Variants in MTDH observed in about 807,000 individuals in gnomAD.
MTDH encodes metadherin.
MTDH carries 34 observed loss-of-function variants against 72.7 expected under a neutral mutation model. The observed-to-expected ratio is 0.47, with a 90% confidence interval of 0.36 to 0.62. The LOEUF (loss-of-function observed/expected upper bound fraction) is 0.62, where lower values mean the gene tolerates loss of function less well. Among genes scored for constraint, MTDH ranks in the 20% least tolerant of loss-of-function variants. The pLI is 0.00. For missense variants in MTDH, 677 were observed against 699.4 expected, an observed-to-expected ratio of 0.97 and a Z score of 0.36; for synonymous variants, 266 against 268.9, an observed-to-expected ratio of 0.99 and a Z score of 0.10.
intron 2 of MTDH, among the ~76,000 whole-genome samples, chr8:97,669,933 A>AC (rs1289429739): frequency 6.6e-6 from 1 of 151,660 alleles, no homozygotes; most frequent in Non-Finnish European, 1.5e-5. Context: ...AAAAAAAAAA[A>AC]AAAAACTACT....
intron 7 of MTDH, among the ~76,000 whole-genome samples, chr8:97,705,113 A>G (rs1187952879): frequency 1.3e-5 from 2 of 152,254 alleles, no homozygotes; most frequent in East Asian, 1.9e-4. Context: ...CCTGACCAAC[A>G]TGGTGAAACC....
In MTDH at chr8:97,644,333, C is replaced by A. The variant is rs1440922228; in HGVS notation, c.-174C>A. 9 of 817,792 alleles carry A rather than the reference C, an allele frequency of 1.1e-5. No individual in the cohort carries two copies. The highest frequency in any genetic ancestry group is 1.6e-5 in the Non-Finnish European group (9 of 558,920). 50.7% of individuals were successfully genotyped at this position (817,792 alleles called of 1,614,324 possible). ...GGCTGACAGCGGGGAACCTGGGAGA[C>A]CCCTCCGCCCTCCCCGCGGTGGCAG... On this transcript the variant is annotated 5_prime_UTR_variant, in exon 1 of 12. Transcript: ENST00000336273.
intron 2 of MTDH, among the ~76,000 whole-genome samples, chr8:97,668,746 G>A (rs1812490492): frequency 6.6e-6 from 1 of 152,020 alleles, no homozygotes; most frequent in African/African-American, 2.4e-5. Context: ...ATAGAGATGG[G>A]ATTTCACCAT....
chr8:97,666,071 T>C (rs1372449360), intron 2 of MTDH, among the ~76,000 whole-genome samples: 1 of 144,494 alleles, frequency 6.9e-6, no homozygotes, highest in East Asian at 2.0e-4. Flanking sequence ...GAGCTTGCAG[T>C]GAGCCACGAT....
chr8:97,674,695 G>A (rs958202017), intron 2 of MTDH, among the ~76,000 whole-genome samples: 2 of 152,042 alleles, frequency 1.3e-5, no homozygotes. Context: ...CACAATAGAA[G>A]TAGAAAAAAC....
intron 2 of MTDH, among the ~76,000 whole-genome samples, chr8:97,673,905 G>T (rs1812735263): frequency 6.6e-6 from 1 of 151,966 alleles, no homozygotes; most frequent in Non-Finnish European, 1.5e-5. Context: ...AGCCCAAGAG[G>T]CGGAGGTTGC....
chr8:97,688,029 G>A (rs1005863524), intron 4 of MTDH, among the ~76,000 whole-genome samples: 7 of 152,092 alleles, frequency 4.6e-5, no homozygotes, highest in African/African-American at 1.7e-4. Flanking sequence ...GGTTGTGTCT[G>A]GATTTCTTAT....
chr8:97,689,952 A>G (rs1366981483), intron 5 of MTDH, among the ~76,000 whole-genome samples: 3 of 146,088 alleles, frequency 2.1e-5, no homozygotes, highest in Non-Finnish European at 3.0e-5. Flanking sequence ...CAGGTGATCC[A>G]CCCACTGCAG....
At chr8:97,713,400 A>AACTAG (rs1226879291) in intron 8 of MTDH, among the ~76,000 whole-genome samples, 1 of 152,128 alleles carries the variant, frequency 6.6e-6, no homozygotes, top group Non-Finnish European at 1.5e-5. Context: ...GAGTTTTTAA[A>AACTAG]ACACTAAAGT....
intron 1 of MTDH, among the ~76,000 whole-genome samples, chr8:97,660,238 CTCTAAGTGCTA>C (rs1208459842): frequency 9.2e-5 from 14 of 152,214 alleles, no homozygotes; most frequent in African/African-American, 3.4e-4. Flanking sequence ...TCATGAGCAT[CTCTAAGTGCTA>C]TCCATCATTT....
intron 2 of MTDH, among the ~76,000 whole-genome samples, chr8:97,675,080 GA>G (rs1466378076): frequency 6.6e-6 from 1 of 152,148 alleles, no homozygotes; most frequent in Non-Finnish European, 1.5e-5. Flanking sequence ...AAATTGTTGA[GA>G]TTACAGATGT....
chr8:97,722,601 C>CA (rs1310816761), intron 10 of MTDH, among the ~76,000 whole-genome samples: 2 of 151,762 alleles, frequency 1.3e-5, no homozygotes, highest in Non-Finnish European at 2.9e-5. Context: ...GACTCCACCT[C>CA]AAAAAAAAGT....
intron 6 of MTDH, chr8:97,696,420 A>G: frequency 3.1e-6 from 1 of 323,336 alleles, no homozygotes; most frequent in South Asian, 1.2e-4. Context: ...ATAAAGTGGC[A>G]GAGGCCTTTA....
At chr8:97,663,059 G>A (rs1812236967) in intron 2 of MTDH, among the ~76,000 whole-genome samples, 1 of 152,080 alleles carries the variant, frequency 6.6e-6, no homozygotes, top group South Asian at 2.1e-4. Flanking sequence ...AGAGTGACTA[G>A]TTGATATGCC....
intron 6 of MTDH, among the ~76,000 whole-genome samples, chr8:97,698,298 GTA>G (rs1813956533): frequency 6.6e-6 from 1 of 152,202 alleles, no homozygotes; most frequent in Non-Finnish European, 1.5e-5. Context: ...CAGAAGGGGT[GTA>G]TGTGTGTGTG....
chr8:97,672,104 T>G (rs2130959855), intron 2 of MTDH, among the ~76,000 whole-genome samples: 1 of 152,340 alleles, frequency 6.6e-6, no homozygotes, highest in Middle Eastern at 3.4e-3. Flanking sequence ...AACTATAGTT[T>G]AAAACCATAG....
intron 5 of MTDH, among the ~76,000 whole-genome samples, chr8:97,690,051 A>G (rs778850660): frequency 2.7e-5 from 4 of 147,656 alleles, no homozygotes; most frequent in African/African-American, 1.0e-4. Flanking sequence ...CTGGAGTGCA[A>G]TGGCACAATC....
At chr8:97,683,404 G>A (rs968693567) in intron 2 of MTDH, among the ~76,000 whole-genome samples, 1 of 151,294 alleles carries the variant, frequency 6.6e-6, no homozygotes, top group Non-Finnish European at 1.5e-5. Context: ...TTGTTTTTTG[G>A]AGTTTTTTTG....
chr8:97,711,098 A>G (rs184686508), intron 8 of MTDH, among the ~76,000 whole-genome samples: 1 of 152,178 alleles, frequency 6.6e-6, no homozygotes, highest in Non-Finnish European at 1.5e-5. Flanking sequence ...TGATAGGTAT[A>G]TTTTTGTCCT....
Sources: allele counts gnomAD v4.1 joint callset (sites outside exome capture counted in the v4.1 genomes callset), GRCh38; gene constraint gnomAD v4.1.1; transcripts MANE v1.5; gene names NCBI Gene and HGNC (gene_info 2026-07-23, HGNC 2026-07-21).